NALCN: variants seen among roughly 807,000 people sequenced by gnomAD.
NALCN encodes the protein sodium leak channel, non-selective.
In NALCN, 111 loss-of-function variants were observed where a neutral mutation model predicts 225.3. The observed-to-expected ratio is 0.49, with a 90% CI of 0.42 to 0.58. NALCN has a LOEUF of 0.58. Ranked by LOEUF, NALCN falls within the 20% of genes least tolerant of loss-of-function variation. The pLI is 0.00. For synonymous variants in NALCN, 764 were observed against 769.0 expected (o/e 0.99, Z 0.11); for missense variants, 1,378 against 2,202.4 (o/e 0.63, Z 7.49).
intron 9 of NALCN, among the ~76,000 whole-genome samples, chr13:101,285,075 T>C (rs2043291658): frequency 6.6e-6 from 1 of 152,186 alleles, no homozygotes; most frequent in Non-Finnish European, 1.5e-5. Context: ...CCCTTATTTA[T>C]GTCCTCCTGT....
chr13:101,329,791 C>A (rs2139228779), intron 7 of NALCN, among the ~76,000 whole-genome samples: 1 of 152,154 alleles, frequency 6.6e-6, no homozygotes, highest in Middle Eastern at 3.4e-3. Context: ...GTAATCTCTG[C>A]ACTTTGGGAG....
In NALCN at chr13:101,400,588, T is replaced by C. The variant is rs200795008; in HGVS notation, c.-39-1423A>G. 1.1e-3 allele frequency among the ~76,000 whole-genome samples: 141 copies of C among 129,224 alleles called. 1 individual carries two copies. The highest frequency in any genetic ancestry group is 5.5e-3 in the East Asian group (25 of 4,576). 84.8% of individuals were successfully genotyped at this position (129,224 alleles called of 152,430 possible). Reference sequence around the variant, plus strand: ...GTGTGTGTGTGTGTGTGTGCACGTGTGTGCGCGCGCACACAGATGCAGTTT... The same window carrying C: ...GTGTGTGTGTGTGTGTGTGCACGTGCGTGCGCGCGCACACAGATGCAGTTT... On this transcript the variant is annotated intron_variant, in intron 1 of 43. Transcript: ENST00000251127.
intron 1 of NALCN, among the ~76,000 whole-genome samples, chr13:101,409,597 T>A (rs141812430): frequency 6.6e-6 from 1 of 152,232 alleles, no homozygotes; most frequent in Non-Finnish European, 1.5e-5. Flanking sequence ...AGAAAGGGGA[T>A]ACTTATTTTG....
chr13:101,092,462 G>C (rs1295016191), intron 28 of NALCN, among the ~76,000 whole-genome samples: 1 of 152,206 alleles, frequency 6.6e-6, no homozygotes, highest in East Asian at 1.9e-4. Flanking sequence ...TTTGGGCATA[G>C]AGTTGCCTTA....
chr13:101,185,083 T>G (rs544025598), intron 14 of NALCN, among the ~76,000 whole-genome samples: 2 of 152,200 alleles, frequency 1.3e-5, no homozygotes, highest in Non-Finnish European at 2.9e-5. Flanking sequence ...GTTTACCATT[T>G]ATAATCACCC....
intron 10 of NALCN, among the ~76,000 whole-genome samples, chr13:101,280,942 A>G (rs1250878616): frequency 1.4e-5 from 2 of 146,076 alleles, no homozygotes; most frequent in African/African-American, 5.1e-5. Flanking sequence ...TTGCAGTGGC[A>G]CAATCTCAGC....
intron 1 of NALCN, among the ~76,000 whole-genome samples, chr13:101,415,931 C>A (rs1229661148): frequency 1.3e-5 from 2 of 152,188 alleles, no homozygotes; most frequent in Non-Finnish European, 2.9e-5. Context: ...TGCCCCCCAA[C>A]ACCTGCTAGA....
At chr13:101,334,524 G>A (rs886797725) in intron 7 of NALCN, among the ~76,000 whole-genome samples, 4 of 128,558 alleles carry the variant, frequency 3.1e-5, no homozygotes, top group Non-Finnish European at 6.6e-5. Flanking sequence ...TACGGAATAC[G>A]AAATGCCTAC....
chr13:101,233,887 C>T (rs1309727327), intron 12 of NALCN, among the ~76,000 whole-genome samples: 1 of 152,166 alleles, frequency 6.6e-6, no homozygotes, highest in Admixed American at 6.5e-5. Flanking sequence ...TTCCCACAGG[C>T]CATGCTGCCC....
rs2139463532 is a variant in NALCN at position 101,073,143 on chromosome 13, A to C, written c.4197+441T>G. On this transcript the variant is annotated intron_variant, in intron 37 of 43. Coordinates refer to ENST00000251127, the MANE Select transcript of NALCN (RefSeq NM_052867.4). ...AGGATATAGTAAGAAGGAAGTATAA[A>C]GTATACTTTATAGTATAAAGGAAGA... is the stretch of plus-strand genomic sequence containing the variant. Among the ~76,000 whole-genome samples the C allele has an allele frequency of 1.3e-5, 2 of 152,284 alleles. 1 individual carries two copies. The highest frequency in any genetic ancestry group is 4.1e-4 in the South Asian group (2 of 4,820).
At chr13:101,202,925 A>G (rs956712959) in intron 13 of NALCN, among the ~76,000 whole-genome samples, 1 of 152,200 alleles carries the variant, frequency 6.6e-6, no homozygotes, top group African/African-American at 2.4e-5. Flanking sequence ...CAGTGAGGTC[A>G]AGAACCAAGT....
intron 13 of NALCN, among the ~76,000 whole-genome samples, chr13:101,225,675 T>A (rs1037887638): frequency 6.6e-6 from 1 of 152,216 alleles, no homozygotes; most frequent in Admixed American, 6.5e-5. Flanking sequence ...TCTCACTGAG[T>A]GAGGAATGTT....
At position 101,107,760 on chromosome 13, in the gene NALCN, T is replaced by A. The variant is rs1000931521; in HGVS notation, c.2394A>T (p.Ala798=). The change falls in exon 21 of 44, where the codon GCA becomes GCT. Residue 798 remains alanine, a synonymous_variant. Coordinates refer to ENST00000251127, the MANE Select transcript of NALCN (RefSeq NM_052867.4). ...TCTTTATTTCACTGTCTTCTCTTTG[T>A]GCATTTCTATATCTCACTGTATTGG... ...DHSNTVRYRN[A]QREDSEIKMI... is the part of the protein sequence containing the mutation. 68 of 1,613,734 alleles carry A rather than the reference T, an allele frequency of 4.2e-5. No individual in the cohort carries two copies. The highest frequency in any genetic ancestry group is 5.7e-5 in the Non-Finnish European group (67 of 1,179,904).
At chr13:101,232,688 C>T (rs1054317894) in intron 12 of NALCN, among the ~76,000 whole-genome samples, 6 of 152,000 alleles carry the variant, frequency 3.9e-5, no homozygotes, top group East Asian at 1.9e-4. Flanking sequence ...CCTCGTGATC[C>T]GCCTGCCTCG....
At chr13:101,363,476 A>AT (rs1407487631) in intron 6 of NALCN, among the ~76,000 whole-genome samples, 1 of 152,180 alleles carries the variant, frequency 6.6e-6, no homozygotes, top group Non-Finnish European at 1.5e-5. Context: ...TATCAAGAAC[A>AT]TTAAGGAAAG....
chr13:101,400,574 TGTGTGTGCAC>T (rs1484670582), intron 1 of NALCN, among the ~76,000 whole-genome samples: 2 of 119,370 alleles, frequency 1.7e-5, no homozygotes, highest in African/African-American at 9.2e-5. Context: ...TGTGTGTGTG[TGTGTGTGCAC>T]GTGTGTGCGC....
At chr13:101,389,438 A>T (rs772040169) in intron 3 of NALCN, among the ~76,000 whole-genome samples, 16 of 152,214 alleles carry the variant, frequency 1.1e-4, no homozygotes, top group Middle Eastern at 3.2e-3. Context: ...GGAATATTAG[A>T]AACTCCAAAG....
At position 101,068,667 on chromosome 13, in the gene NALCN, T is replaced by C. The variant is rs1555374742; in HGVS notation, c.4330+28A>G. ...TATCTAAGTACCTGAGTTTAAAGAG[T>C]AAAAAGTATTCAACTAACATCACTT... On this transcript the variant is annotated intron_variant, in intron 38 of 43. Coordinates refer to ENST00000251127, the MANE Select transcript of NALCN (RefSeq NM_052867.4). The C allele has an allele frequency of 2.6e-6, 4 of 1,550,386 alleles. No individual in the cohort carries two copies. In the Admixed American group the frequency reaches 7.8e-5, roughly 30 times the overall value.
At chr13:101,275,447 T>A (rs1464601369) in intron 10 of NALCN, among the ~76,000 whole-genome samples, 1 of 152,168 alleles carries the variant, frequency 6.6e-6, no homozygotes, top group Non-Finnish European at 1.5e-5. Context: ...CTTTACTAAG[T>A]CATAAATACT....
Sources: gnomAD v4.1 joint callset for allele counts (sites outside exome capture counted in the v4.1 genomes callset) on GRCh38, gnomAD v4.1.1 for gene constraint, MANE v1.5 for transcripts, NCBI Gene and HGNC (gene_info 2026-07-23, HGNC 2026-07-21) for gene names.